Variants in FGF2 observed in about 807,000 individuals in gnomAD.
The protein encoded by FGF2 is basic fibroblast growth factor bFGF.
In FGF2, 13 loss-of-function variants were observed where a neutral mutation model predicts 15.9. The observed-to-expected ratio is 0.82, with a 90% confidence interval of 0.53 to 1.30. The LOEUF (loss-of-function observed/expected upper bound fraction) is 1.30, where lower values mean the gene tolerates loss of function less well. Ranked by LOEUF, FGF2 falls within the 50% of genes most tolerant of loss-of-function variation. FGF2 has a pLI of 0.00. For synonymous variants in FGF2, 90 were observed against 78.4 expected (o/e 1.15, Z -0.78); for missense variants, 163 against 196.9 (o/e 0.83, Z 1.03).
rs575352528 is a variant in FGF2, at chr4:122,844,456, C to T, written c.178+17104C>T. ...TTAGTAGTGTTAATATTTTGACTTCCTCCCATGAATCACAAATACTCTTGA... is the reference window on the plus strand; with the variant it reads ...TTAGTAGTGTTAATATTTTGACTTCTTCCCATGAATCACAAATACTCTTGA... On this transcript the variant is annotated intron_variant, in intron 1 of 2. Coordinates refer to ENST00000644866, the MANE Select transcript of FGF2 (RefSeq NM_001361665.2). 1.6e-3 allele frequency among the ~76,000 whole-genome samples: 239 copies of T among 152,248 alleles called. 1 individual carries two copies. Among genetic ancestry groups the T allele is most frequent in the Non-Finnish European group, 2.2e-3 (150 of 68,008 alleles).
At chr4:122,845,724 G>T (rs143079808) in intron 1 of FGF2, among the ~76,000 whole-genome samples, 2 of 152,296 alleles carry the variant, frequency 1.3e-5, no homozygotes, top group African/African-American at 4.8e-5. Flanking sequence ...AAGAGTTAGG[G>T]CCTTGTCTTG....
At position 122,843,079 on chromosome 4, in the gene FGF2, A is replaced by G. The variant is rs75545880; in HGVS notation, c.178+15727A>G. On this transcript the variant is annotated intron_variant, in intron 1 of 2. Coordinates refer to ENST00000644866, the MANE Select transcript of FGF2 (RefSeq NM_001361665.2). ...AATGTGTTTTGTTTGGCACGACAAGAAAGAGATATAAATCAATAAGGGCAA... is the reference window on the plus strand; with the variant it reads ...AATGTGTTTTGTTTGGCACGACAAGGAAGAGATATAAATCAATAAGGGCAA... Among the ~76,000 whole-genome samples the G allele has an allele frequency of 1.0e-2, 1,517 of 152,340 alleles. 11 individuals are homozygous for G. The highest frequency in any genetic ancestry group is 0.016 in the Non-Finnish European group (1,058 of 68,032).
intron 1 of FGF2, among the ~76,000 whole-genome samples, chr4:122,851,558 A>T (rs912131450): frequency 6.6e-6 from 1 of 152,248 alleles, no homozygotes; most frequent in Non-Finnish European, 1.5e-5. Flanking sequence ...TATGGCTTAA[A>T]TGTGGCTCTA....
chr4:122,895,394 T>C lies in FGF2; in HGVS notation c.*2998T>C, dbSNP rs1224963610. 1 of 152,158 alleles carries C rather than the reference T, an allele frequency of 6.6e-6. No individual in the cohort carries two copies. Among genetic ancestry groups the C allele is most frequent in the African/African-American group, 2.4e-5 (1 of 41,440 alleles). 9.4% of individuals were successfully genotyped at this position (152,158 alleles called of 1,614,324 possible). On this transcript the variant is annotated 3_prime_UTR_variant, in exon 3 of 3. Transcript: ENST00000644866. ...GTTACAGGACAATAATGAAATGGAGTTTATATTTGTTATTTCTATTTTGTT... is the reference window on the plus strand; with the variant it reads ...GTTACAGGACAATAATGAAATGGAGCTTATATTTGTTATTTCTATTTTGTT...
chr4:122,873,949 A>G (rs1726788262), intron 1 of FGF2, among the ~76,000 whole-genome samples: 1 of 152,200 alleles, frequency 6.6e-6, no homozygotes, highest in Admixed American at 6.5e-5. Context: ...GAGTAAATGA[A>G]TTATGTTTAC....
At chr4:122,874,473 A>G (rs1445639653) in intron 1 of FGF2, among the ~76,000 whole-genome samples, 1 of 152,238 alleles carries the variant, frequency 6.6e-6, no homozygotes, top group African/African-American at 2.4e-5. Flanking sequence ...TGACTCAGAC[A>G]TGAAATGTTC....
intron 1 of FGF2, among the ~76,000 whole-genome samples, chr4:122,842,093 A>T (rs1259785568): frequency 6.6e-6 from 1 of 152,226 alleles, no homozygotes; most frequent in Non-Finnish European, 1.5e-5. Context: ...TTTCTAGAAG[A>T]AGCCTAATGC....
rs901307514 is a variant in FGF2 at position 122,892,694 on chromosome 4, G to GT, written c.*301dup. The GT allele has an allele frequency of 9.6e-5, 130 of 1,357,848 alleles. No homozygotes were observed. The highest frequency in any genetic ancestry group is 1.0e-4 in the Non-Finnish European group (102 of 1,024,802). 84.1% of individuals were successfully genotyped at this position (1,357,848 alleles called of 1,614,324 possible). A position where few individuals can be genotyped will look rare whatever the true frequency, so the allele number is the denominator to read the frequency against. ...GAAAAGAGGCTTTTAAAATGTGCAT[G>GT]TTTAGAAACAAAATTTCTTCATGGA... is the stretch of plus-strand genomic sequence containing the variant. On this transcript the variant is annotated 3_prime_UTR_variant, in exon 3 of 3. Transcript: ENST00000644866.
rs1228809389 is a variant in FGF2 at position 122,857,699 on chromosome 4, GT to G, written c.179-18619del. ...CATAAGATATTGGAGGAAATTGTAA[GT>G]TTGTATGGATTGAAATTGTTTCTAA... On this transcript the variant is annotated intron_variant, in intron 1 of 2. Coordinates refer to ENST00000644866, the MANE Select transcript of FGF2 (RefSeq NM_001361665.2). Among the ~76,000 whole-genome samples, 3 of 152,304 alleles carry G rather than the reference GT, an allele frequency of 2.0e-5. No homozygotes were observed. In the East Asian group the frequency reaches 5.8e-4, roughly 29 times the overall value.
At chr4:122,885,644 A>C (rs1208890091) in intron 2 of FGF2, among the ~76,000 whole-genome samples, 1 of 152,172 alleles carries the variant, frequency 6.6e-6, no homozygotes, top group Non-Finnish European at 1.5e-5. Flanking sequence ...TTAACATCCT[A>C]CATTAGTTTG....
chr4:122,877,241 CT>C (rs1229428894), intron 2 of FGF2, among the ~76,000 whole-genome samples: 1 of 152,012 alleles, frequency 6.6e-6, no homozygotes, highest in Non-Finnish European at 1.5e-5. Flanking sequence ...TCCCGAGTAG[CT>C]GGGATTACAG....
chr4:122,856,413 G>C (rs560187645), intron 1 of FGF2, among the ~76,000 whole-genome samples: 1 of 152,202 alleles, frequency 6.6e-6, no homozygotes, highest in Non-Finnish European at 1.5e-5. Flanking sequence ...TTGGTCTGCG[G>C]GCTCTTCTGC....
chr4:122,832,002 G>A (rs1403060475), intron 1 of FGF2, among the ~76,000 whole-genome samples: 1 of 152,190 alleles, frequency 6.6e-6, no homozygotes, highest in Non-Finnish European at 1.5e-5. Context: ...CATCAGTGAT[G>A]TTGAAAAGAC....
At chr4:122,844,567 T>TTCTTTC (rs1491050890) in intron 1 of FGF2, among the ~76,000 whole-genome samples, 1 of 141,848 alleles carries the variant, frequency 7.0e-6, no homozygotes, top group Non-Finnish European at 1.5e-5. Context: ...TTTTCTTTCT[T>TTCTTTC]TCTTTTTCTT....
intron 1 of FGF2, among the ~76,000 whole-genome samples, chr4:122,848,109 C>T (rs1431503915): frequency 6.6e-6 from 1 of 152,192 alleles, no homozygotes; most frequent in African/African-American, 2.4e-5. Context: ...TTGGGTAAGA[C>T]CAACTTATTC....
At chr4:122,888,866 A>C (rs1209835444) in intron 2 of FGF2, 1 of 152,072 alleles carries the variant, frequency 6.6e-6, no homozygotes, top group Admixed American at 6.6e-5. Context: ...ACTTAAGCTT[A>C]TTGCTTATTG....
intron 2 of FGF2, among the ~76,000 whole-genome samples, chr4:122,880,645 G>C (rs1423753551): frequency 6.6e-6 from 1 of 152,180 alleles, no homozygotes; most frequent in South Asian, 2.1e-4. Flanking sequence ...ATCATATTGA[G>C]CAGCTCTGCC....
intron 2 of FGF2, among the ~76,000 whole-genome samples, chr4:122,880,054 A>G (rs543305404): frequency 1.4e-4 from 22 of 152,264 alleles, no homozygotes; most frequent in African/African-American, 4.8e-4. Flanking sequence ...CCACAGTCCA[A>G]CATCTCATCT....
chr4:122,842,997 A>G (rs749873492), intron 1 of FGF2, among the ~76,000 whole-genome samples: 91 of 152,220 alleles, frequency 6.0e-4, no homozygotes, highest in Non-Finnish European at 3.8e-4. Flanking sequence ...AAGTACCACT[A>G]TATTATACAG....
Sources: allele counts gnomAD v4.1 joint callset (sites outside exome capture counted in the v4.1 genomes callset), GRCh38; gene constraint gnomAD v4.1.1; transcripts MANE v1.5; gene names NCBI Gene and HGNC (gene_info 2026-07-23, HGNC 2026-07-21).